MED27: variants seen among roughly 807,000 people sequenced by gnomAD.
The protein encoded by MED27 is mediator complex subunit 27.
Under a neutral mutation model 38.2 loss-of-function variants are expected in MED27, and 30 were observed. That is an observed-to-expected ratio of 0.79 (90% CI 0.59 to 1.07). The LOEUF (loss-of-function observed/expected upper bound fraction) is 1.07, where lower values mean the gene tolerates loss of function less well. MED27 is among the 50% of genes least tolerant of loss of function. The pLI is 0.00. For synonymous variants in MED27, 122 were observed against 153.5 expected (o/e 0.79, Z 1.52); for missense variants, 289 against 397.5 (o/e 0.73, Z 2.32).
At chr9:131,957,518 A>G (rs531426759) in intron 3 of MED27, among the ~76,000 whole-genome samples, 1 of 152,318 alleles carries the variant, frequency 6.6e-6, no homozygotes, top group South Asian at 2.1e-4. Flanking sequence ...GGCCTCCCAA[A>G]GCATTGGGAT....
intron 4 of MED27, among the ~76,000 whole-genome samples, chr9:131,894,717 A>G (rs1178623479): frequency 1.3e-5 from 2 of 152,094 alleles, no homozygotes; most frequent in Non-Finnish European, 2.9e-5. Context: ...CAAGAATAGA[A>G]ACAGCACCTT....
chr9:131,901,926 C>T (rs1002274264), intron 4 of MED27, among the ~76,000 whole-genome samples: 4 of 152,096 alleles, frequency 2.6e-5, no homozygotes, highest in South Asian at 2.1e-4. Context: ...AGATTTGAGT[C>T]GAAGGTCACT....
intron 4 of MED27, among the ~76,000 whole-genome samples, chr9:131,935,739 T>A (rs1232532628): frequency 6.6e-6 from 1 of 152,128 alleles, no homozygotes; most frequent in East Asian, 1.9e-4. Context: ...AGCCATATTG[T>A]TTATATTCTA....
rs1354372058 is a variant in MED27 at position 131,861,842 on chromosome 9, T to C, written c.802-1170A>G. ...GGCTGGAGCGCAGTGGTGCAATCGATCATAGCTCACTGTAACCTTGAACTC... is the reference window on the plus strand; with the variant it reads ...GGCTGGAGCGCAGTGGTGCAATCGACCATAGCTCACTGTAACCTTGAACTC... On this transcript the variant is annotated intron_variant, in intron 7 of 7. Coordinates refer to ENST00000292035, the MANE Select transcript of MED27 (RefSeq NM_004269.4). The surrounding 1 kb of genome is among the most constrained non-coding windows in gnomAD (Gnocchi z 4.4). 6.6e-6 allele frequency among the ~76,000 whole-genome samples: 1 copy of C among 151,158 alleles called. No homozygotes were observed. The highest frequency in any genetic ancestry group is 2.4e-5 in the African/African-American group (1 of 40,934).
intron 4 of MED27, among the ~76,000 whole-genome samples, chr9:131,927,732 A>T (rs1015513388): frequency 2.0e-5 from 3 of 152,246 alleles, no homozygotes; most frequent in Non-Finnish European, 4.4e-5. Flanking sequence ...GCTTTAGATA[A>T]GCCAAGCTGA....
In MED27 at chr9:131,917,371, T is replaced by C. The variant is rs1180041309; in HGVS notation, c.573+22010A>G. ...TACAGACCATGTACACCACCTATCC[T>C]AGAAAGGGGGGGCTTTATCCTGCAA... is the stretch of plus-strand genomic sequence containing the variant. On this transcript the variant is annotated intron_variant, in intron 4 of 7. Coordinates refer to ENST00000292035, the MANE Select transcript of MED27 (RefSeq NM_004269.4). This position sits in a 1 kb window ranked among gnomAD's most constrained non-coding sequence, Gnocchi z 4.6. 9.9e-5 allele frequency among the ~76,000 whole-genome samples: 15 copies of C among 151,900 alleles called. No homozygotes were observed. The highest frequency in any genetic ancestry group is 5.9e-5 in the Non-Finnish European group (4 of 67,970).
rs530015631 is a variant in MED27, at chr9:132,021,807, A to G, written c.349-7340T>C. Among the ~76,000 whole-genome samples the G allele has an allele frequency of 8.3e-5, 12 of 143,748 alleles. No homozygotes were observed. The South Asian group carries it at 2.6e-3, about 31-fold the overall frequency. 94.3% of individuals were successfully genotyped at this position (143,748 alleles called of 152,430 possible). ...CCCATGATGGGATTAATGCCCTTAT[A>G]GGAAGAGGAAGAGGAAGAGATCAGA... On this transcript the variant is annotated intron_variant, in intron 2 of 7. Coordinates refer to ENST00000292035, the MANE Select transcript of MED27 (RefSeq NM_004269.4).
At chr9:131,958,143 T>C (rs1206452828) in intron 3 of MED27, among the ~76,000 whole-genome samples, 1 of 152,134 alleles carries the variant, frequency 6.6e-6, no homozygotes, top group Non-Finnish European at 1.5e-5. Flanking sequence ...TTTTATTTTA[T>C]GTAAGTTATA....
intron 3 of MED27, among the ~76,000 whole-genome samples, chr9:131,960,382 G>C (rs547253500): frequency 6.6e-6 from 1 of 152,096 alleles, no homozygotes; most frequent in Non-Finnish European, 1.5e-5. Context: ...GTAGCTTGAC[G>C]CTCTGACTTG....
intron 1 of MED27, among the ~76,000 whole-genome samples, chr9:132,078,466 C>T (rs1056172691): frequency 2.6e-5 from 4 of 152,090 alleles, no homozygotes; most frequent in Non-Finnish European, 5.9e-5. Context: ...GAAGAATAGC[C>T]AGTGCATCCC....
At chr9:132,040,083 C>T (rs1229703888) in intron 2 of MED27, among the ~76,000 whole-genome samples, 1 of 152,192 alleles carries the variant, frequency 6.6e-6, no homozygotes, top group African/African-American at 2.4e-5. Flanking sequence ...CATACCACTA[C>T]ACCAATATCA....
Position 131,860,797 on chromosome 9 carries a change from A to G in MED27, c.802-125T>C, listed in dbSNP as rs1838639963. 9.2e-7 allele frequency: 1 copy of G among 1,087,900 alleles called. No homozygotes were observed. The highest frequency in any genetic ancestry group is 1.3e-6 in the Non-Finnish European group (1 of 754,796). 67.4% of individuals were successfully genotyped at this position (1,087,900 alleles called of 1,614,324 possible). On this transcript the variant is annotated intron_variant, in intron 7 of 7. Coordinates refer to ENST00000292035, the MANE Select transcript of MED27 (RefSeq NM_004269.4). The surrounding 1 kb of genome is among the most constrained non-coding windows in gnomAD (Gnocchi z 5.8). ...CTTTGGCCCCAGAAGATGCCCTGTG[A>G]TTTCACAGGGAGCAGCAGGCGGAAC... is the stretch of plus-strand genomic sequence containing the variant.
chr9:132,068,577 G>A (rs960829401), intron 2 of MED27, among the ~76,000 whole-genome samples: 9 of 152,178 alleles, frequency 5.9e-5, no homozygotes, highest in African/African-American at 2.2e-4. Context: ...AGAGCTGAGA[G>A]GCTGTGAAGA....
At chr9:131,921,677 A>G (rs577976686) in intron 4 of MED27, among the ~76,000 whole-genome samples, 51 of 152,346 alleles carry the variant, frequency 3.3e-4, no homozygotes, top group African/African-American at 1.0e-3. Context: ...ATTACTGGGC[A>G]TATACCCAAA....
intron 4 of MED27, among the ~76,000 whole-genome samples, chr9:131,930,989 T>C (rs532520776): frequency 1.3e-5 from 2 of 152,180 alleles, no homozygotes; most frequent in African/African-American, 2.4e-5. Context: ...CTCATGCCTG[T>C]AATCCCAGCA....
intron 2 of MED27, among the ~76,000 whole-genome samples, chr9:132,027,153 G>A (rs1832842362): frequency 6.6e-6 from 1 of 152,250 alleles, no homozygotes; most frequent in African/African-American, 2.4e-5. Flanking sequence ...TCAACGGAGT[G>A]AGGATGGTGG....
chr9:131,977,729 T>C (rs1440047772), intron 3 of MED27, among the ~76,000 whole-genome samples: 1 of 152,182 alleles, frequency 6.6e-6, no homozygotes, highest in Non-Finnish European at 1.5e-5. Context: ...ATTGTTATGT[T>C]CATTTCAAGA....
At chr9:132,021,735 G>A (rs1173186371) in intron 2 of MED27, among the ~76,000 whole-genome samples, 1 of 152,186 alleles carries the variant, frequency 6.6e-6, no homozygotes, top group East Asian at 1.9e-4. Flanking sequence ...TGAAGCTGGG[G>A]ACTTTGGGAG....
intron 2 of MED27, among the ~76,000 whole-genome samples, chr9:132,022,845 C>T (rs571180182): frequency 7.9e-5 from 12 of 152,260 alleles, no homozygotes; most frequent in South Asian, 2.1e-4. Context: ...ACTTGCCAAA[C>T]GTAAAACCGT....
Sources: gnomAD v4.1 joint callset for allele counts (sites outside exome capture counted in the v4.1 genomes callset) on GRCh38, gnomAD v4.1.1 for gene constraint, Gnocchi (gnomAD v3.1) non-coding constraint, MANE v1.5 for transcripts, NCBI Gene and HGNC (gene_info 2026-07-23, HGNC 2026-07-21) for gene names.